Variants in SACS observed in about 807,000 individuals in gnomAD.
SACS encodes the protein sacsin molecular chaperone.
SACS carries 197 observed loss-of-function variants against 348.0 expected under a neutral mutation model. The observed-to-expected ratio is 0.57, with a 90% CI of 0.50 to 0.64. The LOEUF (loss-of-function observed/expected upper bound fraction) is 0.64. Among genes scored for constraint, SACS ranks in the 30% least tolerant of loss-of-function variants. The probability of loss-of-function intolerance (pLI) is 0.00; values close to 1 mark genes in which losing one functional copy is unlikely to be tolerated. For synonymous variants in SACS, 1,985 were observed against 1,910.6 expected, an observed-to-expected ratio of 1.04 and a Z score of -1.02; for missense variants, 4,999 against 5,360.8, an observed-to-expected ratio of 0.93 and a Z score of 2.11.
At chr13:23,349,044 A>C (rs1303282237) in intron 9 of SACS, among the ~76,000 whole-genome samples, 1 of 152,240 alleles carries the variant, frequency 6.6e-6, no homozygotes, top group Non-Finnish European at 1.5e-5. Flanking sequence ...ACAATCATGG[A>C]AAGTCCCCTA....
At chr13:23,350,760 T>C (rs1249783153) in intron 9 of SACS, among the ~76,000 whole-genome samples, 1 of 152,186 alleles carries the variant, frequency 6.6e-6, no homozygotes, top group Non-Finnish European at 1.5e-5. Flanking sequence ...GGGGGCTCCA[T>C]AAACATAATA....
Position 23,334,014 on chromosome 13 carries a change from C to G in SACS, c.9862G>C (p.Val3288Leu). ...WALLPGTKFT[V>L]SANQLVVPEG... ...GGAACCACAAGCTGGTTGGCTGAAACAGTAAACTTTGTTCCTGGAAGCAAT... is the reference window on the plus strand; with the variant it reads ...GGAACCACAAGCTGGTTGGCTGAAAGAGTAAACTTTGTTCCTGGAAGCAAT... Residue 3288 changes from valine to leucine, a missense_variant, in exon 10 of 10, where the codon GTT becomes CTT. Transcript: ENST00000382292. 6.2e-7 allele frequency: 1 copy of G among 1,613,858 alleles called. No homozygotes were observed. Among genetic ancestry groups the G allele is most frequent in the Non-Finnish European group, 8.5e-7 (1 of 1,179,840 alleles).
At position 23,354,929 on chromosome 13, in the gene SACS, C is replaced by T. The variant is rs1485932032; in HGVS notation, c.1683G>A (p.Val561=). ...CCCAGTCACAGCTAATTGAATAAATCACTGCATTCTGCAACAGCTCGCTGA... is the reference window on the plus strand; with the variant it reads ...CCCAGTCACAGCTAATTGAATAAATTACTGCATTCTGCAACAGCTCGCTGA... The part of the protein sequence containing the change: ...PLFSELLQNA[V]IYSISCDWVR... Residue 561 remains valine, a synonymous_variant, in exon 8 of 10, where the codon GTG becomes GTA. Coordinates refer to ENST00000382292, the MANE Select transcript of SACS (RefSeq NM_014363.6). The T allele has an allele frequency of 5.6e-6, 9 of 1,614,116 alleles. No homozygotes were observed. The highest frequency in any genetic ancestry group is 7.6e-6 in the Non-Finnish European group (9 of 1,180,054).
chr13:23,341,329 C>G lies in SACS; in HGVS notation c.2547G>C (p.Gly849=), dbSNP rs1479328506. The G allele has an allele frequency of 2.5e-6, 4 of 1,605,830 alleles. No individual in the cohort carries two copies. The highest frequency in any genetic ancestry group is 1.3e-5 in the African/African-American group (1 of 74,474). The change falls in exon 10 of 10, where the codon GGG becomes GGC. Residue 849 remains glycine, a synonymous_variant. Transcript: ENST00000382292. ...ATGCATCTAATTTTTTAAGGACAAA[C>G]CCTCCAAGTTTTTGTACAATGTCTG... ...FLADIVQKLG[G]FVLKKLDASI...
At chr13:23,359,921 T>A (rs1446385357) in intron 6 of SACS, among the ~76,000 whole-genome samples, 1 of 152,176 alleles carries the variant, frequency 6.6e-6, no homozygotes, top group Non-Finnish European at 1.5e-5. Context: ...AAAAATGGCA[T>A]GACTACTATT....
At chr13:23,358,263 T>G in intron 7 of SACS, 72 bp downstream of exon 7, 1 of 1,528,336 alleles carries the variant, frequency 6.5e-7, no homozygotes. Context: ...ACCTCTGAAG[T>G]TAACCAAATA....
chr13:23,345,291 GA>G (rs1219874006), intron 9 of SACS, among the ~76,000 whole-genome samples: 1 of 152,090 alleles, frequency 6.6e-6, no homozygotes, highest in Admixed American at 6.6e-5. Context: ...AATGAAGAGA[GA>G]ATAGAAAAAA....
Position 23,333,245 on chromosome 13 carries a change from G to C in SACS, c.10631C>G (p.Thr3544Ser). Residue 3544 changes from threonine to serine, a missense_variant, in exon 10 of 10, where the codon ACT becomes AGT. Physicochemically the swap from Thr to Ser is moderately conservative, Grantham distance 58. This residue lies in a region of SACS where 831 missense variants were observed against 941.8 expected (regional missense o/e 0.88). Coordinates refer to ENST00000382292, the MANE Select transcript of SACS (RefSeq NM_014363.6). ...LKQAKHFYDR[T>S]VRVFEVMLPE... ...AAGCATAACTTCAAAAACTCTCACA[G>C]TTCTATCATAGAAATGCTTTGCTTG... The C allele has an allele frequency of 1.2e-6, 2 of 1,600,026 alleles. No homozygotes were observed. Among genetic ancestry groups the C allele is most frequent in the Non-Finnish European group, 1.7e-6 (2 of 1,174,448 alleles).
intron 2 of SACS, among the ~76,000 whole-genome samples, chr13:23,381,026 T>A (rs982265816): frequency 2.0e-5 from 3 of 152,164 alleles, no homozygotes; most frequent in African/African-American, 7.2e-5. Context: ...GTACAGTCAA[T>A]TCCCAGATAA....
rs1326359185 is a variant in SACS at position 23,340,988 on chromosome 13, GAA to G, written c.2886_2887del (p.Ser963TyrfsTer7). 2 of 1,614,024 alleles carry G rather than the reference GAA, an allele frequency of 1.2e-6. No individual in the cohort carries two copies. Among genetic ancestry groups the G allele is most frequent in the Non-Finnish European group, 1.7e-6 (2 of 1,179,996 alleles). ...ATCACTACTGTCTATTACTGAAATA[GAA>G]AGTCGCAGATCTGCTGGGAGTTTGG... On this transcript the variant is annotated frameshift_variant, in exon 10 of 10. Transcript: ENST00000382292. LOFTEE classifies it high-confidence loss of function.
intron 6 of SACS, among the ~76,000 whole-genome samples, chr13:23,360,289 T>C (rs1870648336): frequency 6.6e-6 from 1 of 151,500 alleles, no homozygotes; most frequent in Non-Finnish European, 1.5e-5. Flanking sequence ...ATTACAGGAA[T>C]AGTAATTAAA....
rs1868756319 is a variant in SACS at position 23,337,591 on chromosome 13, A to G, written c.6285T>C (p.Thr2095=). ...CCTCCAAGGAACAAGGAATACATGG[A>G]GTAACACGAAGAACTCCCGAGAACT... The part of the protein sequence containing the change: ...VDEFSGVLRV[T]PCIPCSLEGH... The change falls in exon 10 of 10, where the codon ACT becomes ACC. Residue 2095 remains threonine, a synonymous_variant. Transcript: ENST00000382292. 6.2e-7 allele frequency: 1 copy of G among 1,613,898 alleles called. No individual in the cohort carries two copies. Among genetic ancestry groups the G allele is most frequent in the Admixed American group, 1.7e-5 (1 of 59,994 alleles).
At chr13:23,408,305 C>T (rs1873322484) in intron 2 of SACS, among the ~76,000 whole-genome samples, 1 of 152,120 alleles carries the variant, frequency 6.6e-6, no homozygotes, top group South Asian at 2.1e-4. Flanking sequence ...CCAAATCTGG[C>T]CCACCTCTGG....
intron 1 of SACS, among the ~76,000 whole-genome samples, chr13:23,431,105 A>T (rs1454258028): frequency 6.6e-6 from 1 of 152,244 alleles, no homozygotes; most frequent in Admixed American, 6.5e-5. Context: ...TGCCTGTTTC[A>T]TAAGGCTATT....
At position 23,338,632 on chromosome 13, in the gene SACS, C is replaced by CT; in HGVS notation, c.5243dup (p.Leu1749AlafsTer4). ...ATGACTTTGGTTCATCACTGGGAAG[C>CT]TTTTTATTACTGCTGCTGCAAGTCT... On this transcript the variant is annotated frameshift_variant, in exon 10 of 10. Coordinates refer to ENST00000382292, the MANE Select transcript of SACS (RefSeq NM_014363.6). LOFTEE classifies it high-confidence loss of function. 4 of 1,614,148 alleles carry CT rather than the reference C, an allele frequency of 2.5e-6. No individual in the cohort carries two copies. Among genetic ancestry groups the CT allele is most frequent in the Non-Finnish European group, 3.4e-6 (4 of 1,180,016 alleles).
intron 1 of SACS, among the ~76,000 whole-genome samples, chr13:23,431,783 G>C (rs1186607395): frequency 1.3e-5 from 2 of 152,216 alleles, no homozygotes; most frequent in African/African-American, 4.8e-5. Flanking sequence ...TTCGTGCATA[G>C]CAAGAACTGA....
At position 23,365,152 on chromosome 13, in the gene SACS, T is replaced by C. The variant is rs151282220; in HGVS notation, c.457+14A>G. ...TGCATACAATAAAATTTGTTCCTAATTATTGATTCTTACCCTGATATGGCG... is the reference window on the plus strand; with the variant it reads ...TGCATACAATAAAATTTGTTCCTAACTATTGATTCTTACCCTGATATGGCG... On this transcript the variant is annotated intron_variant, in intron 6 of 9. Transcript: ENST00000382292. 28 of 1,550,052 alleles carry C rather than the reference T, an allele frequency of 1.8e-5. No individual in the cohort carries two copies. In the East Asian group the frequency reaches 6.3e-4, roughly 35 times the overall value.
chr13:23,366,016 C>T (rs190861447), intron 5 of SACS, among the ~76,000 whole-genome samples: 4 of 152,254 alleles, frequency 2.6e-5, no homozygotes, highest in Admixed American at 2.0e-4. Flanking sequence ...ACTAAAATCA[C>T]GCTGGGCTCC....
chr13:23,350,774 C>T (rs369319840), intron 9 of SACS, among the ~76,000 whole-genome samples: 23 of 152,250 alleles, frequency 1.5e-4, no homozygotes, highest in African/African-American at 3.9e-4. Context: ...CATAATACTC[C>T]GCCTTTCTTC....
Sources: gnomAD v4.1 joint callset for allele counts (sites outside exome capture counted in the v4.1 genomes callset) on GRCh38, gnomAD v4.1.1 for gene constraint, gnomAD v4.1.1 regional missense constraint, MANE v1.5 for transcripts, NCBI Gene and HGNC (gene_info 2026-07-23, HGNC 2026-07-21) for gene names.